Variants in PTPN2 observed in about 807,000 individuals in gnomAD.
The protein encoded by PTPN2 is tyrosine-protein phosphatase non-receptor type 2.
In PTPN2, 19 loss-of-function variants were observed where a neutral mutation model predicts 57.3. That is an observed-to-expected ratio of 0.33 (90% confidence interval 0.23 to 0.49). The LOEUF (loss-of-function observed/expected upper bound fraction) is 0.49. PTPN2 is among the 20% of genes least tolerant of loss of function. The pLI is 0.99. For missense variants in PTPN2, 358 were observed against 501.1 expected (o/e 0.71, Z 2.73); for synonymous variants, 153 against 164.9 (o/e 0.93, Z 0.55).
At chr18:12,830,478 G>GTAAA (rs1568123344) in intron 4 of PTPN2, among the ~76,000 whole-genome samples, 1 of 152,110 alleles carries the variant, frequency 6.6e-6, no homozygotes, top group East Asian at 1.9e-4. Context: ...AAAAACCCCT[G>GTAAA]TAAATGACTA....
chr18:12,865,537 G>GT (rs1230230726), intron 1 of PTPN2, among the ~76,000 whole-genome samples: 1 of 151,914 alleles, frequency 6.6e-6, no homozygotes, highest in Non-Finnish European at 1.5e-5. Context: ...GAGGTCAAGA[G>GT]TTTGAGACCA....
chr18:12,826,544 G>A (rs901975383), intron 4 of PTPN2, among the ~76,000 whole-genome samples: 1 of 152,182 alleles, frequency 6.6e-6, no homozygotes, highest in Non-Finnish European at 1.5e-5. Flanking sequence ...CCACAGGCAA[G>A]CACTGATCCA....
chr18:12,807,586 A>AAAAAAAATAT, intron 7 of PTPN2, among the ~76,000 whole-genome samples: 33 of 35,180 alleles, frequency 9.4e-4, no homozygotes, highest in East Asian at 4.2e-3. Context: ...AAAAAAAAAA[A>AAAAAAAATAT]ATATATATAT....
chr18:12,835,825 T>G (rs2042843764), intron 3 of PTPN2, among the ~76,000 whole-genome samples: 2 of 152,206 alleles, frequency 1.3e-5, no homozygotes, highest in South Asian at 4.1e-4. Flanking sequence ...ATGGAGCATT[T>G]CTTCATGTGC....
chr18:12,836,959 T>C, intron 2 of PTPN2, 68 bp from the exon 3 acceptor site: 1 of 897,466 alleles, frequency 1.1e-6, no homozygotes, highest in Non-Finnish European at 1.7e-6. Context: ...CATATTAATA[T>C]TCTAGGTATT....
chr18:12,883,250 G>A (rs1430308763), intron 1 of PTPN2, among the ~76,000 whole-genome samples: 3 of 152,222 alleles, frequency 2.0e-5, no homozygotes, highest in Non-Finnish European at 4.4e-5. Context: ...TGTAGGGAAA[G>A]TATACCTCAG....
intron 8 of PTPN2, among the ~76,000 whole-genome samples, chr18:12,800,871 G>A (rs2145245212): frequency 1.3e-5 from 2 of 152,332 alleles, no homozygotes; most frequent in African/African-American, 4.8e-5. Context: ...GTGAGAGACA[G>A]TCTTAGAAAT....
intron 8 of PTPN2, among the ~76,000 whole-genome samples, chr18:12,798,109 C>G (rs1250140912): frequency 6.6e-6 from 1 of 152,180 alleles, no homozygotes; most frequent in East Asian, 1.9e-4. Context: ...TACTGCCTTT[C>G]AAATTCAGAC....
At position 12,802,021 on chromosome 18, in the gene PTPN2, C is replaced by G; in HGVS notation, c.989G>C (p.Cys330Ser). The G allele has an allele frequency of 2.5e-6, 4 of 1,612,284 alleles. No individual in the cohort carries two copies. In the South Asian group the frequency reaches 4.4e-5, roughly 18 times the overall value. The change falls in exon 8 of 9, where the codon TGT becomes TCT. Residue 330 changes from cysteine (C) to serine (S), a missense_variant. Cys to Ser is a moderately radical substitution (Grantham distance 112). Transcript: ENST00000309660. The part of the protein sequence containing the change: ...LEEEKLTGDR[C>S]TGLSSKMQDT... Reference sequence around the variant, plus strand: ...TTGCATTTTAGAGGAAAGTCCTGTACATCGGTCACCTGTCAGTTTTTCTTC... The same window carrying G: ...TTGCATTTTAGAGGAAAGTCCTGTAGATCGGTCACCTGTCAGTTTTTCTTC...
chr18:12,835,162 A>C (rs2042811074), intron 3 of PTPN2, among the ~76,000 whole-genome samples: 1 of 152,308 alleles, frequency 6.6e-6, no homozygotes, highest in South Asian at 2.1e-4. Flanking sequence ...ACAGAAAATA[A>C]AATTTTTAAC....
chr18:12,817,629 A>C (rs1430804456), intron 5 of PTPN2, among the ~76,000 whole-genome samples: 1 of 152,184 alleles, frequency 6.6e-6, no homozygotes, highest in African/African-American at 2.4e-5. Context: ...TATTAACTCA[A>C]TCCACACAAT....
At chr18:12,808,596 T>C (rs969888620) in intron 7 of PTPN2, among the ~76,000 whole-genome samples, 1 of 152,120 alleles carries the variant, frequency 6.6e-6, no homozygotes, top group Non-Finnish European at 1.5e-5. Flanking sequence ...CTAGCTAACA[T>C]GGTGAAACCC....
chr18:12,876,365 G>C (rs1306682783), intron 1 of PTPN2, among the ~76,000 whole-genome samples: 1 of 134,496 alleles, frequency 7.4e-6, no homozygotes, highest in Non-Finnish European at 1.6e-5. Context: ...TTCTCGGGAG[G>C]CTGAGGCAAA....
At chr18:12,867,455 T>G (rs1246073878) in intron 1 of PTPN2, among the ~76,000 whole-genome samples, 2 of 152,220 alleles carry the variant, frequency 1.3e-5, no homozygotes, top group Non-Finnish European at 2.9e-5. Flanking sequence ...CTTTTTTTTT[T>G]GTCCTCAGAT....
At chr18:12,834,911 T>C (rs967348446) in intron 3 of PTPN2, among the ~76,000 whole-genome samples, 15 of 152,142 alleles carry the variant, frequency 9.9e-5, no homozygotes, top group Non-Finnish European at 1.8e-4. Context: ...CACAAGGGAC[T>C]GGCTCCAGGA....
chr18:12,865,553 G>T (rs561771370), intron 1 of PTPN2, among the ~76,000 whole-genome samples: 2 of 152,054 alleles, frequency 1.3e-5, no homozygotes, highest in East Asian at 3.9e-4. Flanking sequence ...GACCAGCCTG[G>T]TCAACACGGT....
Position 12,831,055 on chromosome 18 carries a change from GGAGA to G in PTPN2, c.262-18_262-15del. 2 of 1,559,420 alleles carry G rather than the reference GGAGA, an allele frequency of 1.3e-6. No individual in the cohort carries two copies. Among genetic ancestry groups the G allele is most frequent in the Non-Finnish European group, 1.8e-6 (2 of 1,131,436 alleles). ...AGGAAGTGGACCCTGTGAAGAGAGA[GGAGA>G]GAGAGCAGATGAGGGAAGCAGACAG... On this transcript the variant is annotated splice_polypyrimidine_tract_variant and intron_variant, in intron 3 of 8. Coordinates refer to ENST00000309660, the MANE Select transcript of PTPN2 (RefSeq NM_002828.4).
chr18:12,867,932 A>T (rs781089500), intron 1 of PTPN2, among the ~76,000 whole-genome samples: 1 of 152,116 alleles, frequency 6.6e-6, no homozygotes, highest in African/African-American at 2.4e-5. Flanking sequence ...GCCCTCAATG[A>T]TCTTGGGGTG....
chr18:12,884,215 A>AGCGCTGGCGCTGCG lies in PTPN2; in HGVS notation c.-88_-75dup. 8.1e-7 allele frequency: 1 copy of AGCGCTGGCGCTGCG among 1,232,772 alleles called. No individual in the cohort carries two copies. The highest frequency in any genetic ancestry group is 1.1e-6 in the Non-Finnish European group (1 of 922,194). 76.4% of individuals were successfully genotyped at this position (1,232,772 alleles called of 1,614,324 possible). A position where few individuals can be genotyped will look rare whatever the true frequency, so the allele number is the denominator to read the frequency against. On this transcript the variant is annotated 5_prime_UTR_variant, in exon 1 of 9. It removes the in-frame stop codon of an upstream open reading frame in the 5' UTR. Coordinates refer to ENST00000309660, the MANE Select transcript of PTPN2 (RefSeq NM_002828.4). ...CTCAGGCCCCGCACGATCCGGGGAGAGCGCTGGCGCTGCGGCGCATGCGCG... is the reference window on the plus strand; with the variant it reads ...CTCAGGCCCCGCACGATCCGGGGAGAGCGCTGGCGCTGCGGCGCTGGCGCTGCGGCGCATGCGCG...
Sources: allele counts gnomAD v4.1 joint callset (sites outside exome capture counted in the v4.1 genomes callset), GRCh38; gene constraint gnomAD v4.1.1; transcripts MANE v1.5; gene names NCBI Gene and HGNC (gene_info 2026-07-23, HGNC 2026-07-21).